Variants in WWOX observed in about 807,000 individuals in gnomAD.
WWOX encodes the protein WW domain containing oxidoreductase.
In WWOX, 69 loss-of-function variants were observed where a neutral mutation model predicts 46.2. That is an observed-to-expected ratio of 1.49 (90% CI 1.23 to 1.82). The LOEUF is 1.82. Ranked by LOEUF, WWOX falls within the 40% of genes most tolerant of loss-of-function variation. The pLI, the probability that WWOX is intolerant of heterozygous loss-of-function variation, is 0.00. For missense variants in WWOX, 919 were observed against 542.6 expected, an observed-to-expected ratio of 1.69 and a Z score of -6.89; for synonymous variants, 359 against 202.6, an observed-to-expected ratio of 1.77 and a Z score of -6.56.
chr16:78,564,858 C>G (rs904573155), intron 8 of WWOX, among the ~76,000 whole-genome samples: 2 of 151,676 alleles, frequency 1.3e-5, no homozygotes, highest in African/African-American at 4.8e-5. Context: ...TCCTCTTTTT[C>G]TTTTGCTCCC....
chr16:78,855,270 A>T (rs1203527873), intron 8 of WWOX, among the ~76,000 whole-genome samples: 1 of 152,216 alleles, frequency 6.6e-6, no homozygotes, highest in African/African-American at 2.4e-5. Context: ...ATAATAAATT[A>T]TAAGAATTTA....
chr16:78,972,798 T>G (rs552702871), intron 8 of WWOX, among the ~76,000 whole-genome samples: 1 of 152,126 alleles, frequency 6.6e-6, no homozygotes, highest in Non-Finnish European at 1.5e-5. Flanking sequence ...TAAAAAATGG[T>G]TTTTAATTTT....
At chr16:78,918,768 G>C (rs368807071) in intron 8 of WWOX, among the ~76,000 whole-genome samples, 1 of 152,122 alleles carries the variant, frequency 6.6e-6, no homozygotes, top group Non-Finnish European at 1.5e-5. Flanking sequence ...TTAATGCTCG[G>C]AGGAGTCAAG....
chr16:78,503,184 T>A (rs936266845), intron 8 of WWOX, among the ~76,000 whole-genome samples: 4 of 152,140 alleles, frequency 2.6e-5, no homozygotes, highest in African/African-American at 9.7e-5. Context: ...CCCAGGAAAT[T>A]CCCTTTAAGC....
intron 8 of WWOX, among the ~76,000 whole-genome samples, chr16:78,473,488 C>T (rs2084280131): frequency 6.6e-6 from 1 of 152,118 alleles, no homozygotes; most frequent in African/African-American, 2.4e-5. Context: ...TAGAGCACAG[C>T]ATGAAGAGCT....
intron 8 of WWOX, among the ~76,000 whole-genome samples, chr16:78,498,214 A>AAAAAAAAAAG (rs59419812): frequency 0.027 from 3,447 of 128,174 alleles, 238 homozygotes; most frequent in East Asian, 0.065. Context: ...CAAAAAAAAA[A>AAAAAAAAAAG]AAAAGAAAAA....
At chr16:79,061,986 A>G (rs1418020788) in intron 8 of WWOX, among the ~76,000 whole-genome samples, 1 of 152,158 alleles carries the variant, frequency 6.6e-6, no homozygotes, top group Admixed American at 6.5e-5. Context: ...CATTCTTTTC[A>G]CAGCCCCTCC....
chr16:78,200,206 T>C (rs573457762), intron 5 of WWOX, among the ~76,000 whole-genome samples: 36 of 152,120 alleles, frequency 2.4e-4, no homozygotes, highest in Admixed American at 9.2e-4. Flanking sequence ...CTGACCCTGA[T>C]CTCCTCTGCA....
intron 8 of WWOX, among the ~76,000 whole-genome samples, chr16:79,190,913 G>T (rs2051122915): frequency 6.6e-6 from 1 of 152,162 alleles, no homozygotes; most frequent in Non-Finnish European, 1.5e-5. Flanking sequence ...TAATTAGTTG[G>T]TGTTACCTAA....
At chr16:78,101,446 A>C (rs1447268491) in intron 1 of WWOX, among the ~76,000 whole-genome samples, 1 of 147,122 alleles carries the variant, frequency 6.8e-6, no homozygotes, top group Non-Finnish European at 1.5e-5. Flanking sequence ...TGCCGAGTTC[A>C]AGCGATTCTC....
intron 8 of WWOX, among the ~76,000 whole-genome samples, chr16:78,824,172 A>G (rs2051584256): frequency 6.6e-6 from 1 of 152,248 alleles, no homozygotes; most frequent in African/African-American, 2.4e-5. Flanking sequence ...TTAGAAATAT[A>G]TGAAGGTTAA....
rs376140419 is a variant in WWOX at position 78,488,594 on chromosome 16, G to A, written c.1056+55842G>A. 1.8e-4 allele frequency among the ~76,000 whole-genome samples: 28 copies of A among 152,286 alleles called. 1 individual carries two copies. The East Asian group carries it at 5.0e-3, about 27-fold the overall frequency. On this transcript the variant is annotated intron_variant, in intron 8 of 8. Transcript: ENST00000566780. ...CTGGGTCCTCAGGTAGCTGACCCGA[G>A]AGACCGTGGAGCTGCTTGTGATATA... is the stretch of plus-strand genomic sequence containing the variant.
At chr16:79,141,251 C>T (rs145414870) in intron 8 of WWOX, among the ~76,000 whole-genome samples, 215 of 152,258 alleles carry the variant, frequency 1.4e-3, no homozygotes, top group African/African-American at 5.1e-3. Flanking sequence ...GTCTTCCTAC[C>T]TTTGCTCTGA....
At chr16:78,362,499 C>A (rs2081432756) in intron 5 of WWOX, among the ~76,000 whole-genome samples, 1 of 151,954 alleles carries the variant, frequency 6.6e-6, no homozygotes, top group African/African-American at 2.4e-5. Context: ...GTTCCAGGTA[C>A]TCGGGAGGCT....
intron 8 of WWOX, among the ~76,000 whole-genome samples, chr16:78,876,552 C>T (rs1354214513): frequency 6.6e-6 from 1 of 151,366 alleles, no homozygotes; most frequent in Middle Eastern, 3.4e-3. Flanking sequence ...TCGCCCCTTT[C>T]TTCTCTCTCC....
At chr16:78,945,601 C>G (rs2045933470) in intron 8 of WWOX, among the ~76,000 whole-genome samples, 1 of 152,044 alleles carries the variant, frequency 6.6e-6, no homozygotes, top group African/African-American at 2.4e-5. Flanking sequence ...GGTTTGTTGG[C>G]TTATGTTCGC....
chr16:78,662,422 G>A (rs1189520453), intron 8 of WWOX, among the ~76,000 whole-genome samples: 1 of 151,964 alleles, frequency 6.6e-6, no homozygotes, highest in African/African-American at 2.4e-5. Flanking sequence ...GAATTTTCTA[G>A]CTTTATGTGG....
At chr16:78,788,439 C>A (rs1366232194) in intron 8 of WWOX, among the ~76,000 whole-genome samples, 1 of 152,180 alleles carries the variant, frequency 6.6e-6, no homozygotes, top group Non-Finnish European at 1.5e-5. Context: ...AGACCCTCCC[C>A]AGAGAGTCAG....
intron 5 of WWOX, among the ~76,000 whole-genome samples, chr16:78,313,705 T>C (rs527934332): frequency 6.6e-6 from 1 of 152,184 alleles, no homozygotes; most frequent in South Asian, 2.1e-4. Context: ...TGCTTTCTTC[T>C]CTGTCGATGT....
Sources: gnomAD v4.1 joint callset for allele counts (sites outside exome capture counted in the v4.1 genomes callset) on GRCh38, gnomAD v4.1.1 for gene constraint, MANE v1.5 for transcripts, NCBI Gene and HGNC (gene_info 2026-07-23, HGNC 2026-07-21) for gene names.